The following ZNF892 variants were observed in gnomAD, a reference collection of about 807,000 sequenced individuals.
ZNF892 encodes the protein zinc finger protein 892.
the ZNF892 span, among the ~76,000 whole-genome samples, chr2:95,224,572 C>T: frequency 6.6e-6 from 1 of 152,242 alleles, no homozygotes; most frequent in African/African-American, 2.4e-5. Context: ...AACCAGATCT[C>T]ATGAGAACTC....
the ZNF892 span, among the ~76,000 whole-genome samples, chr2:95,251,183 A>C: frequency 1.3e-5 from 2 of 152,146 alleles, no homozygotes; most frequent in Admixed American, 1.3e-4. Flanking sequence ...GAACATACAA[A>C]TGCAAACAGA....
At chr2:95,242,910 G>T in the ZNF892 span, among the ~76,000 whole-genome samples, 2 of 152,126 alleles carry the variant, frequency 1.3e-5, no homozygotes, top group Non-Finnish European at 2.9e-5. Flanking sequence ...GCCGAACCTG[G>T]ACTGTACCCC....
At chr2:95,228,355 G>T in the ZNF892 span, among the ~76,000 whole-genome samples, 1 of 152,136 alleles carries the variant, frequency 6.6e-6, no homozygotes, top group African/African-American at 2.4e-5. Context: ...GCTTGAGCCT[G>T]GGAGTTCAAG....
At chr2:95,244,171 C>T in the ZNF892 span, among the ~76,000 whole-genome samples, 1 of 149,784 alleles carries the variant, frequency 6.7e-6, no homozygotes, top group Admixed American at 6.7e-5. Flanking sequence ...ATCACCACTC[C>T]CTAATCTCAA....
the ZNF892 span, among the ~76,000 whole-genome samples, chr2:95,252,228 C>A: frequency 8.3e-6 from 1 of 120,582 alleles, no homozygotes; most frequent in Admixed American, 9.3e-5. Flanking sequence ...AATGCTATCC[C>A]TCCCCCCTCC....
At chr2:95,226,210 A>C in the ZNF892 span, among the ~76,000 whole-genome samples, 1 of 152,202 alleles carries the variant, frequency 6.6e-6, no homozygotes, top group South Asian at 2.1e-4. Context: ...ACATCCTTGG[A>C]AATCTAGGGC....
the ZNF892 span, among the ~76,000 whole-genome samples, chr2:95,230,133 T>G: frequency 6.6e-6 from 1 of 152,042 alleles, no homozygotes; most frequent in Non-Finnish European, 1.5e-5. Context: ...AAACCAAACA[T>G]TGTATGTTCT....
chr2:95,230,701 T>C, the ZNF892 span, among the ~76,000 whole-genome samples: 3 of 152,166 alleles, frequency 2.0e-5, no homozygotes, highest in Non-Finnish European at 4.4e-5. Flanking sequence ...GCTCACTTTG[T>C]TCTTTCCTTG....
the ZNF892 span, among the ~76,000 whole-genome samples, chr2:95,208,092 G>T: frequency 6.6e-6 from 1 of 152,078 alleles, no homozygotes; most frequent in Non-Finnish European, 1.5e-5. Flanking sequence ...CTTCTTTTTT[G>T]ATCTCAGAGG....
At chr2:95,261,430 G>T in the ZNF892 span, among the ~76,000 whole-genome samples, 1 of 152,068 alleles carries the variant, frequency 6.6e-6, no homozygotes, top group Non-Finnish European at 1.5e-5. Context: ...GAGTAGCTGG[G>T]ATTACAGGCA....
At chr2:95,215,034 G>A in the ZNF892 span, 10 of 510,996 alleles carry the variant, frequency 2.0e-5, no homozygotes, top group Admixed American at 9.3e-5. Context: ...GAAACCTTAT[G>A]AGTGTAATGA....
the ZNF892 span, among the ~76,000 whole-genome samples, chr2:95,234,229 C>T: frequency 6.6e-6 from 1 of 152,174 alleles, no homozygotes. Flanking sequence ...CTCCATATGG[C>T]GCCAGCAGTC....
At chr2:95,225,454 A>G in the ZNF892 span, among the ~76,000 whole-genome samples, 1 of 152,214 alleles carries the variant, frequency 6.6e-6, no homozygotes, top group African/African-American at 2.4e-5. Flanking sequence ...TAAGAGAGAC[A>G]GCAAGAGGAG....
the ZNF892 span, among the ~76,000 whole-genome samples, chr2:95,209,929 G>T: frequency 3.9e-5 from 6 of 152,106 alleles, no homozygotes; most frequent in Non-Finnish European, 8.8e-5. Context: ...GTGTTAAAGA[G>T]TGTATTTTGG....
chr2:95,232,345 A>G, the ZNF892 span, among the ~76,000 whole-genome samples: 22 of 152,262 alleles, frequency 1.4e-4, no homozygotes, highest in African/African-American at 4.8e-4. Context: ...GAATATCCCA[A>G]TTTTTCAGGA....
chr2:95,259,976 C>T, the ZNF892 span, among the ~76,000 whole-genome samples: 10 of 152,202 alleles, frequency 6.6e-5, no homozygotes, highest in Non-Finnish European at 1.3e-4. Context: ...AGGAGCCGCA[C>T]TTAACCCTGG....
the ZNF892 span, chr2:95,212,105 ACTCT>A: frequency 7.6e-6 from 3 of 397,302 alleles, no homozygotes; most frequent in Admixed American, 1.3e-4. Flanking sequence ...AACTGACCTC[ACTCT>A]CTCCCTCTCT....
At chr2:95,240,506 A>G in the ZNF892 span, among the ~76,000 whole-genome samples, 1 of 152,170 alleles carries the variant, frequency 6.6e-6, no homozygotes, top group Non-Finnish European at 1.5e-5. Flanking sequence ...CCAATACACA[A>G]AGCTGTGTGG....
At chr2:95,247,265 C>A in the ZNF892 span, among the ~76,000 whole-genome samples, 399 of 152,264 alleles carry the variant, frequency 2.6e-3, 3 homozygotes, top group Non-Finnish European at 4.7e-3. Context: ...GGAAAGGACT[C>A]CCTATTCAAT....
Sources: allele counts gnomAD v4.1 joint callset (sites outside exome capture counted in the v4.1 genomes callset), GRCh38; gene constraint gnomAD v4.1.1; transcripts MANE v1.5; gene names NCBI Gene and HGNC (gene_info 2026-07-23, HGNC 2026-07-21).